The following DPH7 variants were observed in gnomAD, a reference collection of about 807,000 sequenced individuals.
The protein encoded by DPH7 is diphthine methyltransferase.
Under a neutral mutation model 41.7 loss-of-function variants are expected in DPH7, and 44 were observed. The ratio of observed to expected loss-of-function variants is 1.05; its 90% CI spans 0.83 to 1.36. The LOEUF is 1.36. Among genes scored for constraint, DPH7 ranks in the 40% most tolerant of loss-of-function variants. The pLI, the probability that DPH7 is intolerant of heterozygous loss-of-function variation, is 0.00. For missense variants in DPH7, 629 were observed against 577.5 expected (o/e 1.09, Z -0.91); for synonymous variants, 275 against 238.0 (o/e 1.16, Z -1.43).
At chr9:137,564,157 G>A (rs1188077333) in intron 8 of DPH7, among the ~76,000 whole-genome samples, 3 of 152,118 alleles carry the variant, frequency 2.0e-5, no homozygotes, top group African/African-American at 7.2e-5. Flanking sequence ...CAGACTAGAG[G>A]TCCCAGTGGG....
In DPH7 at chr9:137,576,150, G is replaced by A; in HGVS notation, c.305C>T (p.Ala102Val). The A allele has an allele frequency of 6.2e-7, 1 of 1,613,784 alleles. No homozygotes were observed. ...LDMKWCHIPV[A>V]GHALLGLADA... ...TGCCAAGCCCAAGAGGGCATGTCCA[G>A]CCACCGGGATGTGACACCTGAGGAG... Residue 102 changes from alanine to valine, a missense_variant, in exon 3 of 9, where the codon GCT becomes GTT. Transcript: ENST00000277540.
chr9:137,560,855 CAAAA>C (rs35798746), intron 8 of DPH7, among the ~76,000 whole-genome samples: 1 of 123,452 alleles, frequency 8.1e-6, no homozygotes. Context: ...GACTCTGTCT[CAAAA>C]AAAAAAAAAA....
Position 137,577,532 on chromosome 9 carries a change from G to A in DPH7, c.225C>T (p.Asn75=). The change falls in exon 2 of 9, where the codon AAC becomes AAT. Residue 75 remains asparagine, a synonymous_variant. Transcript: ENST00000277540. Reference sequence around the variant, plus strand: ...GGACCTCGACCAGAGGGTGAATAGAGTTGTTGTCATTGAAACTGTACAGGA... The same window carrying A: ...GGACCTCGACCAGAGGGTGAATAGAATTGTTGTCATTGAAACTGTACAGGA... ...RLFLYSFNDN[N]SIHPLVEVQR... 6.2e-7 allele frequency: 1 copy of A among 1,614,026 alleles called. No individual in the cohort carries two copies. Among genetic ancestry groups the A allele is most frequent in the Non-Finnish European group, 8.5e-7 (1 of 1,179,952 alleles).
At chr9:137,558,507 A>G (rs1004970461) in intron 8 of DPH7, among the ~76,000 whole-genome samples, 3 of 152,236 alleles carry the variant, frequency 2.0e-5, no homozygotes, top group African/African-American at 7.2e-5. Context: ...TTAAAAAGAG[A>G]ATTCTGACAC....
chr9:137,558,623 C>A (rs979109040), intron 8 of DPH7, among the ~76,000 whole-genome samples: 1 of 152,128 alleles, frequency 6.6e-6, no homozygotes, highest in Non-Finnish European at 1.5e-5. Context: ...AAGGCAAATC[C>A]CCATAGACAG....
In DPH7 at chr9:137,578,834, C is replaced by T. The variant is rs1381299149; in HGVS notation, c.-57G>A. 1 of 1,365,362 alleles carries T rather than the reference C, an allele frequency of 7.3e-7. No homozygotes were observed. Among genetic ancestry groups the T allele is most frequent in the Non-Finnish European group, 9.5e-7 (1 of 1,056,084 alleles). The allele number at this position is 1,365,362 out of a possible 1,614,324, so 84.6% of individuals were successfully genotyped here. A position where few individuals can be genotyped will look rare whatever the true frequency, so the allele number is the denominator to read the frequency against. Reference sequence around the variant, plus strand: ...GTAGAGGCGGGTCGGCGGGGCCGGGCTGGGTACTGCGCGGGGCGGCGAGGC... The same window carrying T: ...GTAGAGGCGGGTCGGCGGGGCCGGGTTGGGTACTGCGCGGGGCGGCGAGGC... On this transcript the variant is annotated 5_prime_UTR_variant, in exon 1 of 9. Transcript: ENST00000277540.
At position 137,568,576 on chromosome 9, in the gene DPH7, G is replaced by T. The variant is rs1753860; in HGVS notation, c.641-3422C>A. 8.6e-3 allele frequency among the ~76,000 whole-genome samples: 1,174 copies of T among 136,528 alleles called. 10 individuals are homozygous for T. Among genetic ancestry groups the T allele is most frequent in the Non-Finnish European group, 0.013 (816 of 62,368 alleles). 89.6% of individuals were successfully genotyped at this position (136,528 alleles called of 152,430 possible). ...GACTCTGTCTGTGAGGAAGCTCCCC[G>T]GGGTGACTCTGTCTGTGAGGAAGTT... On this transcript the variant is annotated intron_variant, in intron 5 of 8. Transcript: ENST00000277540.
rs1333598396 is a variant in DPH7 at position 137,556,533 on chromosome 9, A to T, written c.950-885T>A. ...GAACAGGACCGCACTGGATTACAAA[A>T]CGTGCCGAGGTTGTATGGGCCTGGG... On this transcript the variant is annotated intron_variant, in intron 8 of 8. Coordinates refer to ENST00000277540, the MANE Select transcript of DPH7 (RefSeq NM_138778.5). The surrounding 1 kb of genome is among the most constrained non-coding windows in gnomAD (Gnocchi z 5.2). 3.5e-6 allele frequency: 1 copy of T among 287,842 alleles called. No homozygotes were observed. The highest frequency in any genetic ancestry group is 6.9e-6 in the Non-Finnish European group (1 of 144,766). The allele number at this position is 287,842 out of a possible 1,614,324, so 17.8% of individuals were successfully genotyped here. A position where few individuals can be genotyped will look rare whatever the true frequency, so the allele number is the denominator to read the frequency against.
rs968566499 is a variant in DPH7, at chr9:137,558,795, C to T, written c.950-3147G>A. On this transcript the variant is annotated intron_variant, in intron 8 of 8. Transcript: ENST00000277540. ...CTGTCGCCAGGCTGGAGCGCAGTGG[C>T]GTGATCTCGGCTCACTGCAACCTCC... 1.1e-4 allele frequency among the ~76,000 whole-genome samples: 17 copies of T among 152,096 alleles called. 1 individual carries two copies. Among genetic ancestry groups the T allele is most frequent in the Non-Finnish European group, 1.2e-4 (8 of 68,026 alleles).
At chr9:137,557,212 T>C (rs1196611233) in intron 8 of DPH7, among the ~76,000 whole-genome samples, 2 of 152,180 alleles carry the variant, frequency 1.3e-5, no homozygotes, top group African/African-American at 4.8e-5. Flanking sequence ...ACAATACAAA[T>C]TGTTTTAAAA....
At chr9:137,571,115 G>A (rs904179584) in intron 5 of DPH7, among the ~76,000 whole-genome samples, 2 of 151,890 alleles carry the variant, frequency 1.3e-5, no homozygotes, top group African/African-American at 2.4e-5. Flanking sequence ...CTGTGGTCAC[G>A]CCATTGCACT....
At chr9:137,571,362 A>G (rs558898354) in intron 5 of DPH7, among the ~76,000 whole-genome samples, 7 of 151,466 alleles carry the variant, frequency 4.6e-5, no homozygotes, top group Non-Finnish European at 1.0e-4. Flanking sequence ...AATTTTTTGT[A>G]TTTTAATAGA....
intron 2 of DPH7, among the ~76,000 whole-genome samples, chr9:137,576,629 G>T (rs574938465): frequency 6.6e-6 from 1 of 152,128 alleles, no homozygotes; most frequent in East Asian, 1.9e-4. Flanking sequence ...CGTGGCTCAC[G>T]CCTGTAATCC....
Position 137,564,535 on chromosome 9 carries a change from C to A in DPH7, c.848G>T (p.Gly283Val), listed in dbSNP as rs1446234149. ...GTGCCACTTGATTCTCCATACCCCA[C>A]CCTGCACAGGCGTATCTGCCAACGG... Reference protein sequence around the residue: ...KQPLADTPVQGGVWRIKWHPF... With the variant: ...KQPLADTPVQVGVWRIKWHPF... Residue 283 changes from glycine (G) to valine (V), a missense_variant, in exon 8 of 9, where the codon GGT becomes GTT. Gly to Val is a moderately radical substitution (Grantham distance 109). Transcript: ENST00000277540. 6.2e-6 allele frequency: 10 copies of A among 1,614,168 alleles called. No individual in the cohort carries two copies. Among genetic ancestry groups the A allele is most frequent in the Non-Finnish European group, 8.5e-6 (10 of 1,180,012 alleles).
At chr9:137,575,495 C>G in intron 3 of DPH7, 1 of 991,126 alleles carries the variant, frequency 1.0e-6, no homozygotes, top group Non-Finnish European at 1.2e-6. Flanking sequence ...TCTAAGCTGC[C>G]TTAAGCAAGG....
At chr9:137,572,476 G>T (rs1840612267) in intron 5 of DPH7, among the ~76,000 whole-genome samples, 1 of 152,218 alleles carries the variant, frequency 6.6e-6, no homozygotes, top group Non-Finnish European at 1.5e-5. Context: ...TGGCTACTGT[G>T]TGGAGACTGG....
rs141614671 is a variant in DPH7, at chr9:137,564,609, G to C, written c.777-3C>G. 1.2e-6 allele frequency: 2 copies of C among 1,608,248 alleles called. No individual in the cohort carries two copies. Among genetic ancestry groups the C allele is most frequent in the Non-Finnish European group, 1.7e-6 (2 of 1,175,288 alleles). On this transcript the variant is annotated splice_region_variant and splice_polypyrimidine_tract_variant and intron_variant, in intron 7 of 8. Transcript: ENST00000277540. ...ACAGTAGGATGTGTTCATCATAGCT[G>C]AAACCGACCAACCACAGGAGGCATA...
intron 8 of DPH7, among the ~76,000 whole-genome samples, chr9:137,560,899 G>A (rs1190435501): frequency 3.3e-5 from 5 of 150,928 alleles, no homozygotes; most frequent in Non-Finnish European, 5.9e-5. Flanking sequence ...GTGGGCACCT[G>A]TAGTCCCAGC....
In DPH7 at chr9:137,554,833, A is replaced by C. The variant is rs564016646; in HGVS notation, c.*406T>G. 9 of 160,080 alleles carry C rather than the reference A, an allele frequency of 5.6e-5. No homozygotes were observed. In the South Asian group the frequency reaches 5.9e-4, roughly 10 times the overall value. The allele number at this position is 160,080 out of a possible 1,614,324, so 9.9% of individuals were successfully genotyped here. On this transcript the variant is annotated 3_prime_UTR_variant, in exon 9 of 9. Transcript: ENST00000277540. ...TTGGATTTTTGGACTGGCTGTGCTC[A>C]ATCTATACAAGCATTTCTGGTGCCA...
Sources: gnomAD v4.1 joint callset for allele counts (sites outside exome capture counted in the v4.1 genomes callset) on GRCh38, gnomAD v4.1.1 for gene constraint, Gnocchi (gnomAD v3.1) non-coding constraint, MANE v1.5 for transcripts, NCBI Gene and HGNC (gene_info 2026-07-23, HGNC 2026-07-21) for gene names.